The following TMCO5A variants were observed in gnomAD, a reference collection of about 807,000 sequenced individuals.
The protein encoded by TMCO5A is transmembrane and coiled-coil domain-containing protein 5A.
TMCO5A carries 34 observed loss-of-function variants against 42.3 expected under a neutral mutation model. The observed-to-expected ratio is 0.80, with a 90% CI of 0.61 to 1.07. TMCO5A has a LOEUF of 1.07. Ranked by LOEUF, TMCO5A falls within the 50% of genes least tolerant of loss-of-function variation. The probability of loss-of-function intolerance (pLI) is 0.00; values close to 1 mark genes in which losing one functional copy is unlikely to be tolerated. For missense variants in TMCO5A, 357 were observed against 327.9 expected, an observed-to-expected ratio of 1.09 and a Z score of -0.69; for synonymous variants, 131 against 115.6, an observed-to-expected ratio of 1.13 and a Z score of -0.86.
the TMCO5A span, among the ~76,000 whole-genome samples, chr15:37,987,254 G>T: frequency 6.6e-6 from 1 of 151,878 alleles, no homozygotes; most frequent in African/African-American, 2.4e-5. Flanking sequence ...TAATTAAGTT[G>T]TTATTATTGA....
chr15:37,944,385 A>G (rs776099074), intron 10 of TMCO5A: 1 of 152,046 alleles, frequency 6.6e-6, no homozygotes, highest in Non-Finnish European at 1.5e-5. Flanking sequence ...CCTTCTAACT[A>G]TGTGTCAGAG....
chr15:37,971,092 A>C (rs1890665370), downstream of TMCO5A, among the ~76,000 whole-genome samples: 1 of 152,196 alleles, frequency 6.6e-6, no homozygotes, highest in Non-Finnish European at 1.5e-5. Context: ...TTTCCCTTTC[A>C]TACTGCACTA....
At chr15:38,038,580 T>A in the TMCO5A span, among the ~76,000 whole-genome samples, 2 of 151,996 alleles carry the variant, frequency 1.3e-5, no homozygotes, top group Admixed American at 6.6e-5. Context: ...TAATTTTTTA[T>A]ATTTGTAGTA....
exon 12 of TMCO5A, chr15:37,966,782 C>A: frequency 1.5e-6 from 1 of 687,784 alleles, no homozygotes. Context: ...AATTGCCTAC[C>A]CTGTCCCACA....
chr15:38,030,095 T>C, the TMCO5A span, among the ~76,000 whole-genome samples: 6 of 152,152 alleles, frequency 3.9e-5, no homozygotes, highest in Admixed American at 3.9e-4. Flanking sequence ...AAGGAGTCTT[T>C]TACATTTATA....
the TMCO5A span, among the ~76,000 whole-genome samples, chr15:37,984,365 T>C: frequency 6.6e-6 from 1 of 152,140 alleles, no homozygotes; most frequent in Non-Finnish European, 1.5e-5. Context: ...CATGAGACTC[T>C]GAAATCTAAG....
intron 11 of TMCO5A, among the ~76,000 whole-genome samples, chr15:37,950,817 C>T (rs8039842): frequency 1.3e-5 from 2 of 152,006 alleles, no homozygotes; most frequent in Admixed American, 1.3e-4. Flanking sequence ...ATTTTAGTGA[C>T]AAATGCTACC....
At chr15:37,988,014 A>C in the TMCO5A span, among the ~76,000 whole-genome samples, 1 of 151,812 alleles carries the variant, frequency 6.6e-6, no homozygotes, top group East Asian at 1.9e-4. Flanking sequence ...CTTTCTATTT[A>C]TTTATTCTTT....
chr15:37,939,002 AT>A lies in TMCO5A; in HGVS notation c.387+780del, dbSNP rs1257370400. On this transcript the variant is annotated intron_variant, in intron 6 of 11. Coordinates refer to ENST00000319669, the MANE Select transcript of TMCO5A (RefSeq NM_152453.4). ...TTATTTTTCTTCAGAGAGCAGATAA[AT>A]TTTTTTATTATTATACTTTAAGTTC... 2.6e-5 allele frequency among the ~76,000 whole-genome samples: 4 copies of A among 152,014 alleles called. No individual in the cohort carries two copies. The East Asian group carries it at 7.7e-4, about 29-fold the overall frequency.
intron 5 of TMCO5A, 71 bp downstream of exon 5, chr15:37,937,467 G>C: frequency 6.5e-7 from 1 of 1,542,518 alleles, no homozygotes; most frequent in Non-Finnish European, 9.0e-7. Context: ...AAGGTTTGGG[G>C]GAAGTGATCA....
intron 11 of TMCO5A, among the ~76,000 whole-genome samples, chr15:37,966,289 T>TG (rs929202763): frequency 1.3e-5 from 2 of 151,926 alleles, no homozygotes; most frequent in African/African-American, 4.8e-5. Flanking sequence ...CTTAGTGGTT[T>TG]TTTTTTTTAA....
At chr15:37,974,945 G>C in the TMCO5A span, among the ~76,000 whole-genome samples, 8 of 152,102 alleles carry the variant, frequency 5.3e-5, no homozygotes, top group Non-Finnish European at 1.0e-4. Flanking sequence ...TTGTATCTTT[G>C]TTCTCATTAG....
the TMCO5A span, among the ~76,000 whole-genome samples, chr15:38,028,058 G>A: frequency 6.6e-6 from 1 of 152,136 alleles, no homozygotes; most frequent in East Asian, 1.9e-4. Context: ...ATATACATGT[G>A]TTGTTGAAGA....
the TMCO5A span, among the ~76,000 whole-genome samples, chr15:38,026,103 G>A: frequency 2.0e-5 from 3 of 152,268 alleles, no homozygotes; most frequent in African/African-American, 7.2e-5. Flanking sequence ...GTGGGGTATT[G>A]CTGAAAAGAT....
At chr15:37,983,192 A>C in the TMCO5A span, among the ~76,000 whole-genome samples, 2 of 152,152 alleles carry the variant, frequency 1.3e-5, no homozygotes, top group African/African-American at 4.8e-5. Context: ...CCCTTATACA[A>C]ACATGATAAT....
chr15:37,937,556 C>G (rs1197005159), intron 5 of TMCO5A, among the ~76,000 whole-genome samples, 160 bp downstream of exon 5: 2 of 152,012 alleles, frequency 1.3e-5, no homozygotes, highest in African/African-American at 4.8e-5. Context: ...GGCCAAGGTT[C>G]ATGACCTAAA....
At chr15:37,991,041 T>C in the TMCO5A span, among the ~76,000 whole-genome samples, 1 of 152,082 alleles carries the variant, frequency 6.6e-6, no homozygotes, top group Non-Finnish European at 1.5e-5. Context: ...GAGTTACAAA[T>C]CAAAGTTTCC....
chr15:37,960,408 C>T (rs1890393745), intron 11 of TMCO5A, among the ~76,000 whole-genome samples: 1 of 151,848 alleles, frequency 6.6e-6, no homozygotes, highest in Admixed American at 6.6e-5. Context: ...ATAAATATAC[C>T]ACAATTTTTT....
At chr15:37,944,608 T>C (rs1167385063) in intron 10 of TMCO5A, among the ~76,000 whole-genome samples, 1 of 152,060 alleles carries the variant, frequency 6.6e-6, no homozygotes, top group African/African-American at 2.4e-5. Context: ...GCTCTAATTT[T>C]TTTTAGTAGA....
Sources: allele counts gnomAD v4.1 joint callset (sites outside exome capture counted in the v4.1 genomes callset), GRCh38; gene constraint gnomAD v4.1.1; transcripts MANE v1.5; gene names NCBI Gene and HGNC (gene_info 2026-07-23, HGNC 2026-07-21).